The following INF2 variants were observed in gnomAD, a reference collection of about 807,000 sequenced individuals.
INF2 encodes the protein inverted formin-2.
INF2 carries 43 observed loss-of-function variants against 123.5 expected under a neutral mutation model. The ratio of observed to expected loss-of-function variants is 0.35; its 90% CI spans 0.27 to 0.45. The LOEUF is 0.45. Among genes scored for constraint, INF2 ranks in the 20% least tolerant of loss-of-function variants. The pLI, the probability that INF2 is intolerant of heterozygous loss-of-function variation, is 1.00. For missense variants in INF2, 1,453 were observed against 1,682.7 expected (o/e 0.86, Z 2.39); for synonymous variants, 851 against 745.0 (o/e 1.14, Z -2.32).
chr14:104,688,905 C>T (rs1888780733), upstream of INF2, among the ~76,000 whole-genome samples: 3 of 152,208 alleles, frequency 2.0e-5, no homozygotes, highest in African/African-American at 7.2e-5. Context: ...TCAATGTCGG[C>T]GGTGGGGGGA....
chr14:104,716,771 A>G (rs916407982), intron 22 of INF2, among the ~76,000 whole-genome samples: 2 of 152,024 alleles, frequency 1.3e-5, no homozygotes, highest in African/African-American at 4.8e-5. Flanking sequence ...GCTCACAGCA[A>G]CCTCCACCTT....
At chr14:104,715,460 G>A (rs1283317808) in intron 22 of INF2, 120 bp downstream of exon 22, 9 of 958,222 alleles carry the variant, frequency 9.4e-6, no homozygotes, top group South Asian at 3.9e-5. Flanking sequence ...CGCGTGGTGC[G>A]TCAGTGTGGC....
intron 1 of INF2, among the ~76,000 whole-genome samples, chr14:104,692,245 G>T (rs1034230787): frequency 6.6e-5 from 10 of 152,236 alleles, no homozygotes; most frequent in Non-Finnish European, 1.5e-4. Flanking sequence ...CGTGGGTCCT[G>T]CAGGAGCGTT....
rs767940514 is a variant in INF2, at chr14:104,703,943, G to A, written c.695G>A (p.Arg232His). ...IGLQLLDVLA[R>H]LRDLEDADLL... ...CTGCAGCTGCTGGACGTCCTGGCTC[G>A]CCTGCGGTGAGTCCCCACTGTAGCG... Residue 232 changes from arginine to histidine, a missense_variant, in exon 5 of 23, where the codon CGC becomes CAC. Transcript: ENST00000392634. 6.8e-6 allele frequency: 11 copies of A among 1,610,190 alleles called. No individual in the cohort carries two copies. The highest frequency in any genetic ancestry group is 4.4e-5 in the South Asian group (4 of 91,078).
chr14:104,716,080 G>A, intron 22 of INF2: 1 of 401,616 alleles, frequency 2.5e-6, no homozygotes, highest in Non-Finnish European at 5.0e-6. Flanking sequence ...TGCACTGGGT[G>A]GAGGAGGGGC....
upstream of INF2, among the ~76,000 whole-genome samples, chr14:104,686,824 C>T (rs532394409): frequency 5.9e-5 from 9 of 152,272 alleles, no homozygotes; most frequent in South Asian, 8.3e-4. Context: ...TCTCTCAGAA[C>T]GCCCACACCT....
intron 1 of INF2, among the ~76,000 whole-genome samples, chr14:104,694,635 G>A (rs982228348): frequency 6.6e-5 from 10 of 152,168 alleles, no homozygotes; most frequent in Non-Finnish European, 1.2e-4. Flanking sequence ...GTCACAGGCC[G>A]GTCAGCGGAA....
intron 15 of INF2, among the ~76,000 whole-genome samples, 195 bp from the exon 16 acceptor site, chr14:104,711,434 G>T (rs1890043154): frequency 6.6e-6 from 1 of 152,170 alleles, no homozygotes; most frequent in Non-Finnish European, 1.5e-5. Flanking sequence ...TCCCTGATCT[G>T]GGGGACAGTC....
intron 3 of INF2, 24 bp from the exon 4 acceptor site, chr14:104,703,271 G>T: frequency 6.2e-7 from 1 of 1,613,012 alleles, no homozygotes. Flanking sequence ...GCCTGGGTGT[G>T]CCCTGACCCC....
chr14:104,714,566 C>T lies in INF2; in HGVS notation c.3404C>T (p.Thr1135Met), dbSNP rs3803311. ...TCAAGGCAAGATGCCAAGGATCCCA[C>T]GTCCTTGCTGGGCGTCCTCCAGGCC... ...GSSRQDAKDP[T>M]SLLGVLQAEA... is the part of the protein sequence containing the mutation. The change falls in exon 21 of 23, where the codon ACG becomes ATG. Residue 1135 changes from threonine (T) to methionine (M), a missense_variant. Thr to Met is a moderately conservative substitution (Grantham distance 81). This residue lies in a region of INF2 where 344 missense variants were observed against 333.1 expected (regional missense o/e 1.03). Coordinates refer to ENST00000392634, the MANE Select transcript of INF2 (RefSeq NM_022489.4). 2.1e-3 allele frequency: 3,460 copies of T among 1,612,706 alleles called. 62 individuals are homozygous for T. In the East Asian group the frequency reaches 0.037, roughly 17 times the overall value.
intron 1 of INF2, among the ~76,000 whole-genome samples, chr14:104,697,503 T>C (rs1412821129): frequency 6.6e-6 from 1 of 152,244 alleles, no homozygotes; most frequent in African/African-American, 2.4e-5. Flanking sequence ...GCTGCAGGTC[T>C]AGTGAAGGCC....
rs763987103 is a variant in INF2 at position 104,714,813 on chromosome 14, G to T, written c.3651G>T (p.Gly1217=). The T allele has an allele frequency of 6.3e-7, 1 of 1,595,444 alleles. No individual in the cohort carries two copies. The highest frequency in any genetic ancestry group is 2.3e-5 in the East Asian group (1 of 44,416). Residue 1217 remains glycine, a synonymous_variant, in exon 21 of 23, where the codon GGG becomes GGT. Coordinates refer to ENST00000392634, the MANE Select transcript of INF2 (RefSeq NM_022489.4). ...GGGCCCGGGGCCGGGCCTCAAAGGG[G>T]ACCGGGAAGCGAAGGAAGAAGCGTC... ...LPRARGRASK[G]TGKRRKKRPS...
At chr14:104,690,705 C>T (rs12147788) in intron 1 of INF2, 34,259 of 152,374 alleles carry the variant, frequency 0.22, 4,142 homozygotes, top group Non-Finnish European at 0.27. Context: ...GCAGGATACT[C>T]GCCCTCTTCC....
At chr14:104,702,574 G>A (rs537479512) in intron 2 of INF2, among the ~76,000 whole-genome samples, 37 of 152,358 alleles carry the variant, frequency 2.4e-4, no homozygotes, top group Admixed American at 2.1e-3. Flanking sequence ...GCAGTTACCT[G>A]TGCAGGCAAG....
chr14:104,682,744 A>G (rs1888555857), intron 1 of INF2, among the ~76,000 whole-genome samples: 1 of 152,118 alleles, frequency 6.6e-6, no homozygotes, highest in Non-Finnish European at 1.5e-5. Flanking sequence ...AGGAATGCTC[A>G]CCGTGAAACC....
intron 1 of INF2, chr14:104,681,673 G>A (rs1274540709): frequency 9.0e-7 from 1 of 1,107,330 alleles, no homozygotes; most frequent in Non-Finnish European, 1.2e-6. Flanking sequence ...GCATCTGAGT[G>A]CAGGAGGCAC....
rs189993245 is a variant in INF2 at position 104,707,115 on chromosome 14, G to T, written c.985+64G>T. 4.4e-3 allele frequency: 6,073 copies of T among 1,394,728 alleles called. 333 individuals carry two copies. In the Admixed American group the frequency reaches 0.11, roughly 24 times the overall value. 86.4% of individuals were successfully genotyped at this position (1,394,728 alleles called of 1,614,324 possible). Reference sequence around the variant, plus strand: ...GGCAGACACTGAGGTCTTAGACCATGGGGGGGGGAGCCTGCCCTTGGCCCC... The same window carrying T: ...GGCAGACACTGAGGTCTTAGACCATTGGGGGGGGAGCCTGCCCTTGGCCCC... On this transcript the variant is annotated intron_variant, in intron 7 of 22. Transcript: ENST00000392634.
upstream of INF2, among the ~76,000 whole-genome samples, chr14:104,686,762 A>G (rs1416103541): frequency 2.2e-4 from 34 of 152,210 alleles, 2 homozygotes. Flanking sequence ...CGCCTGCTGC[A>G]TGCAGGGCTG....
rs750890507 is a variant in INF2, at chr14:104,714,370, C to T, written c.3208C>T (p.Arg1070Trp). ...TLEQLEEGGPRPLERRSSWYV... is the reference protein window; with the variant it reads ...TLEQLEEGGPWPLERRSSWYV... ...GGAGCAGTTGGAGGAGGGTGGTCCA[C>T]GGCCCCTGGAGAGGCGTTCTTCCTG... Residue 1070 changes from arginine (R) to tryptophan (W), a missense_variant, in exon 21 of 23, where the codon CGG (arginine) becomes TGG (tryptophan). Physicochemically the swap from Arg to Trp is moderately radical, Grantham distance 101 (BLOSUM62 -3). Coordinates refer to ENST00000392634, the MANE Select transcript of INF2 (RefSeq NM_022489.4). 6.3e-6 allele frequency: 10 copies of T among 1,596,774 alleles called. No individual in the cohort carries two copies. In the African/African-American group the frequency reaches 6.7e-5, roughly 11 times the overall value.
Sources: allele counts gnomAD v4.1 joint callset (sites outside exome capture counted in the v4.1 genomes callset), GRCh38; gene constraint gnomAD v4.1.1; regional missense constraint gnomAD v4.1.1; transcripts MANE v1.5; gene names NCBI Gene and HGNC (gene_info 2026-07-23, HGNC 2026-07-21).